INTU: variants seen among roughly 807,000 people sequenced by gnomAD.
INTU encodes inturned planar cell polarity protein.
Under a neutral mutation model 100.5 loss-of-function variants are expected in INTU, and 68 were observed. The observed-to-expected ratio is 0.68, with a 90% confidence interval of 0.56 to 0.83. The LOEUF is 0.83. Ranked by LOEUF, INTU falls within the 40% of genes least tolerant of loss-of-function variation. The probability of loss-of-function intolerance (pLI) is 0.00; values close to 1 mark genes in which losing one functional copy is unlikely to be tolerated. For missense variants in INTU, 1,071 were observed against 1,114.7 expected, an observed-to-expected ratio of 0.96 and a Z score of 0.56; for synonymous variants, 357 against 395.7, an observed-to-expected ratio of 0.90 and a Z score of 1.16.
At position 127,674,217 on chromosome 4, in the gene INTU, A is replaced by G. The variant is rs771467316; in HGVS notation, c.1181+4A>G. The G allele has an allele frequency of 6.2e-7, 1 of 1,601,678 alleles. No homozygotes were observed. The highest frequency in any genetic ancestry group is 8.5e-7 in the Non-Finnish European group (1 of 1,172,114). On this transcript the variant is annotated splice_donor_region_variant and intron_variant, in intron 6 of 15. Transcript: ENST00000335251. The stretch of plus-strand genomic sequence containing the variant: ...TAATTGGCCTGCCTGCTGAAGAGTA[A>G]GTTGAGGTTTTGCTTACCTTAAAAT...
chr4:127,688,120 C>T (rs991711177), intron 8 of INTU, among the ~76,000 whole-genome samples: 3 of 151,350 alleles, frequency 2.0e-5, no homozygotes, highest in Non-Finnish European at 2.9e-5. Flanking sequence ...TTTCAGAAAT[C>T]GTAATTAAAT....
rs1438298282 is a variant in INTU, at chr4:127,710,916, G to A, written c.2373G>A (p.Leu791=). 8 of 1,426,018 alleles carry A rather than the reference G, an allele frequency of 5.6e-6. No individual in the cohort carries two copies. Among genetic ancestry groups the A allele is most frequent in the East Asian group, 2.4e-5 (1 of 40,848 alleles). 88.3% of individuals were successfully genotyped at this position (1,426,018 alleles called of 1,614,324 possible). A position where few individuals can be genotyped will look rare whatever the true frequency, so the allele number is the denominator to read the frequency against. Residue 791 remains leucine (L), a synonymous_variant, in exon 14 of 16, where the codon CTG becomes CTA. Transcript: ENST00000335251. Reference sequence around the variant, plus strand: ...TTTGATTTTTTTTCTTTTTAAGACTGACATCTGGTCCTGAGAACACACTTT... The same window carrying A: ...TTTGATTTTTTTTCTTTTTAAGACTAACATCTGGTCCTGAGAACACACTTT... ...KELEIYNTVK[L]TSGPENTLFH...
intron 8 of INTU, among the ~76,000 whole-genome samples, chr4:127,694,906 A>G (rs147703900): frequency 6.6e-6 from 1 of 152,290 alleles, no homozygotes; most frequent in Admixed American, 6.5e-5. Flanking sequence ...TGATTACTGT[A>G]GGTTTATATT....
At chr4:127,639,504 GTTT>G (rs1336211305) in intron 1 of INTU, among the ~76,000 whole-genome samples, 1 of 151,996 alleles carries the variant, frequency 6.6e-6, no homozygotes, top group Non-Finnish European at 1.5e-5. Context: ...GTTTTTGTGG[GTTT>G]TTTGTTGTTG....
At chr4:127,640,718 T>C (rs1727294468) in intron 1 of INTU, among the ~76,000 whole-genome samples, 1 of 151,146 alleles carries the variant, frequency 6.6e-6, no homozygotes, top group Non-Finnish European at 1.5e-5. Flanking sequence ...TATTGAATAT[T>C]ATGCAGCCAC....
chr4:127,659,352 A>G (rs931674798), intron 3 of INTU, among the ~76,000 whole-genome samples: 4 of 152,200 alleles, frequency 2.6e-5, no homozygotes, highest in Non-Finnish European at 5.9e-5. Context: ...TATGGAAGGA[A>G]AGGAAAGGAA....
In INTU at chr4:127,695,171, G is replaced by T. The variant is rs1730327475; in HGVS notation, c.1450-4839G>T. Among the ~76,000 whole-genome samples, 4 of 152,142 alleles carry T rather than the reference G, an allele frequency of 2.6e-5. 1 individual carries two copies. In the South Asian group the frequency reaches 8.3e-4, roughly 32 times the overall value. Reference sequence around the variant, plus strand: ...CTTTGATTTCATTTATCAGAGTATGGTAGTTTTCCTCATACAGATATTGTA... The same window carrying T: ...CTTTGATTTCATTTATCAGAGTATGTTAGTTTTCCTCATACAGATATTGTA... On this transcript the variant is annotated intron_variant, in intron 8 of 15. Transcript: ENST00000335251.
rs1342068092 is a variant in INTU, at chr4:127,722,389, G to A, written c.*5953G>A. 2 of 152,280 alleles carry A rather than the reference G, an allele frequency of 1.3e-5. No homozygotes were observed. Among genetic ancestry groups the A allele is most frequent in the African/African-American group, 4.8e-5 (2 of 41,456 alleles). The allele number at this position is 152,280 out of a possible 1,614,324, so 9.4% of individuals were successfully genotyped here. ...TAGCCGGAATGCTCCTGTATGAAGT[G>A]TCTGGAGACTCCTGTTGGGAGGTCT... On this transcript the variant is annotated 3_prime_UTR_variant, in exon 16 of 16. Transcript: ENST00000335251.
chr4:127,663,642 G>C, intron 4 of INTU, 58 bp downstream of exon 4: 1 of 1,380,728 alleles, frequency 7.2e-7, no homozygotes, highest in Non-Finnish European at 1.0e-6. Flanking sequence ...AAAGGAAAAA[G>C]TAAGGACCTT....
At chr4:127,705,014 C>T (rs1198097561) in intron 10 of INTU, among the ~76,000 whole-genome samples, 1 of 151,886 alleles carries the variant, frequency 6.6e-6, no homozygotes, top group Non-Finnish European at 1.5e-5. Flanking sequence ...ATGGTGTGAA[C>T]CCGGGAAGCA....
rs1474157291 is a variant in INTU at position 127,716,054 on chromosome 4, AT to A, written c.2718-268del. On this transcript the variant is annotated intron_variant, in intron 15 of 15. Transcript: ENST00000335251. ...CTATTGCCTTTATTATAATAACTAG[AT>A]TTGCTATTTAAAAACTGAGTGGTAT... 2.6e-5 allele frequency among the ~76,000 whole-genome samples: 4 copies of A among 152,200 alleles called. No homozygotes were observed. In the East Asian group the frequency reaches 7.7e-4, roughly 29 times the overall value.
intron 7 of INTU, among the ~76,000 whole-genome samples, chr4:127,684,852 A>C (rs950009042): frequency 3.3e-5 from 5 of 151,210 alleles, no homozygotes; most frequent in Non-Finnish European, 7.4e-5. Flanking sequence ...TGAATTAGTG[A>C]TATAACCACA....
intron 8 of INTU, among the ~76,000 whole-genome samples, chr4:127,688,217 A>G (rs1729921424): frequency 6.6e-6 from 1 of 152,188 alleles, no homozygotes; most frequent in Non-Finnish European, 1.5e-5. Flanking sequence ...AAAAAAAAAA[A>G]AAGTGGATGA....
chr4:127,696,385 G>A (rs1730383850), intron 8 of INTU, among the ~76,000 whole-genome samples: 1 of 152,082 alleles, frequency 6.6e-6, no homozygotes, highest in African/African-American at 2.4e-5. Flanking sequence ...AATAAGTATA[G>A]ACCAATTTAT....
At chr4:127,675,031 A>G (rs72616928) in intron 6 of INTU, among the ~76,000 whole-genome samples, 4,777 of 152,308 alleles carry the variant, frequency 0.031, 303 homozygotes, top group East Asian at 0.27. Flanking sequence ...GGAGAAATAG[A>G]CTACAAGTTT....
intron 1 of INTU, among the ~76,000 whole-genome samples, chr4:127,641,508 TC>T (rs1486139890): frequency 6.6e-6 from 1 of 152,128 alleles, no homozygotes; most frequent in African/African-American, 2.4e-5. Flanking sequence ...CCTCTCTCCC[TC>T]CTTCATTTAT....
intron 8 of INTU, among the ~76,000 whole-genome samples, chr4:127,692,635 G>A (rs1017658634): frequency 3.9e-5 from 6 of 152,030 alleles, no homozygotes; most frequent in African/African-American, 1.4e-4. Context: ...TTGCTTTTGG[G>A]TTCTTGGTCA....
chr4:127,659,242 A>T (rs1029917084), intron 3 of INTU, among the ~76,000 whole-genome samples: 5 of 152,174 alleles, frequency 3.3e-5, no homozygotes, highest in African/African-American at 1.2e-4. Context: ...TCCTTAGGAG[A>T]TACCTGCTGA....
intron 8 of INTU, among the ~76,000 whole-genome samples, chr4:127,689,145 G>C (rs1301175206): frequency 6.6e-6 from 1 of 150,974 alleles, no homozygotes; most frequent in Non-Finnish European, 1.5e-5. Context: ...ACCATGCCTG[G>C]CTAATTTTTG....
Sources: gnomAD v4.1 joint callset for allele counts (sites outside exome capture counted in the v4.1 genomes callset) on GRCh38, gnomAD v4.1.1 for gene constraint, MANE v1.5 for transcripts, NCBI Gene and HGNC (gene_info 2026-07-23, HGNC 2026-07-21) for gene names.